ARHGAP42: variants seen among roughly 807,000 people sequenced by gnomAD.
ARHGAP42 encodes the protein Rho GTPase activating protein 42, also known as rho GTPase-activating protein 42.
In ARHGAP42, 63 loss-of-function variants were observed where a neutral mutation model predicts 125.0. The observed-to-expected ratio is 0.50, with a 90% CI of 0.41 to 0.62. The LOEUF is 0.62. Among genes scored for constraint, ARHGAP42 ranks in the 20% least tolerant of loss-of-function variants. The probability of loss-of-function intolerance (pLI) is 0.00; values close to 1 mark genes in which losing one functional copy is unlikely to be tolerated. For missense variants in ARHGAP42, 766 were observed against 1,024.2 expected (o/e 0.75, Z 3.44); for synonymous variants, 339 against 351.0 (o/e 0.97, Z 0.38).
At chr11:100,789,348 G>T (rs913267179) in intron 2 of ARHGAP42, among the ~76,000 whole-genome samples, 2 of 152,214 alleles carry the variant, frequency 1.3e-5, no homozygotes, top group Non-Finnish European at 2.9e-5. Context: ...TAGCATATCT[G>T]AGGGTGTTAT....
chr11:100,687,868 C>A, intron 1 of ARHGAP42, 36 bp downstream of exon 1: 1 of 1,509,112 alleles, frequency 6.6e-7, no homozygotes, highest in African/African-American at 1.4e-5. Context: ...ACACCCGCAT[C>A]TGGAGAGTCC....
At chr11:100,886,384 T>C (rs1866093771) in intron 4 of ARHGAP42, among the ~76,000 whole-genome samples, 1 of 152,192 alleles carries the variant, frequency 6.6e-6, no homozygotes, top group Admixed American at 6.5e-5. Flanking sequence ...TGGGAAACAA[T>C]ACATTTCTTT....
chr11:100,960,171 A>T (rs1301925603), intron 13 of ARHGAP42, among the ~76,000 whole-genome samples: 1 of 151,932 alleles, frequency 6.6e-6, no homozygotes, highest in Non-Finnish European at 1.5e-5. Context: ...TTTCTAATAC[A>T]GCCTCACTAT....
At chr11:100,812,222 A>G (rs1393338980) in intron 3 of ARHGAP42, among the ~76,000 whole-genome samples, 2 of 152,254 alleles carry the variant, frequency 1.3e-5, no homozygotes, top group Non-Finnish European at 2.9e-5. Flanking sequence ...TAGGATTTGG[A>G]AAACTTTATA....
chr11:100,969,053 A>G (rs1565299881), intron 17 of ARHGAP42, among the ~76,000 whole-genome samples: 1 of 152,158 alleles, frequency 6.6e-6, no homozygotes, highest in African/African-American at 2.4e-5. Flanking sequence ...TCTGCTAGCA[A>G]TAAGTTCTCT....
chr11:100,948,902 T>C (rs1464139834), intron 11 of ARHGAP42, among the ~76,000 whole-genome samples: 1 of 152,122 alleles, frequency 6.6e-6, no homozygotes, highest in Non-Finnish European at 1.5e-5. Flanking sequence ...ATGAACAAGG[T>C]TCAGGGTAAG....
chr11:100,859,508 G>A (rs780221159), intron 3 of ARHGAP42, 46 bp from the exon 4 acceptor site: 17 of 1,462,394 alleles, frequency 1.2e-5, no homozygotes, highest in Middle Eastern at 1.7e-4. Context: ...AATGTTGTTG[G>A]CATGAAATTA....
chr11:100,961,732 A>G lies in ARHGAP42; in HGVS notation c.1349A>G (p.Asn450Ser). 6.4e-7 allele frequency: 1 copy of G among 1,551,826 alleles called. No homozygotes were observed. The highest frequency in any genetic ancestry group is 8.7e-7 in the Non-Finnish European group (1 of 1,146,890). The change falls in exon 15 of 24, where the codon AAT (asparagine) becomes AGT (serine). Residue 450 changes from asparagine to serine, a missense_variant. Transcript: ENST00000298815. ...GATATTGATATTGAACTGTGGGACA[A>G]TAAGACGATAACAAGTGGGCTGAAA... The part of the protein sequence containing the change: ...DIDIDIELWD[N>S]KTITSGLKNY...
At chr11:100,864,989 T>A (rs1001805223) in intron 4 of ARHGAP42, among the ~76,000 whole-genome samples, 3 of 152,192 alleles carry the variant, frequency 2.0e-5, no homozygotes, top group African/African-American at 7.2e-5. Context: ...TGAGAAATGT[T>A]TTGTGAGACA....
intron 16 of ARHGAP42, among the ~76,000 whole-genome samples, chr11:100,963,186 C>T (rs1029495942): frequency 6.6e-5 from 10 of 152,218 alleles, no homozygotes; most frequent in Admixed American, 1.3e-4. Flanking sequence ...TTTTGGCAGA[C>T]AGCAGGTGCT....
At chr11:100,835,127 G>A (rs1864755675) in intron 3 of ARHGAP42, among the ~76,000 whole-genome samples, 1 of 151,864 alleles carries the variant, frequency 6.6e-6, no homozygotes, top group Admixed American at 6.6e-5. Flanking sequence ...CTGTTTTGCT[G>A]GAAAGCCCCA....
At chr11:100,975,733 T>C (rs1591334367) in intron 19 of ARHGAP42, among the ~76,000 whole-genome samples, 2 of 152,330 alleles carry the variant, frequency 1.3e-5, no homozygotes, top group South Asian at 4.1e-4. Context: ...GAATCCTGTT[T>C]CATAAACAAA....
intron 4 of ARHGAP42, among the ~76,000 whole-genome samples, chr11:100,899,032 G>A (rs1049914016): frequency 3.3e-5 from 5 of 152,192 alleles, no homozygotes; most frequent in African/African-American, 1.2e-4. Context: ...AAGGATTCTG[G>A]TACATTGTGT....
At chr11:100,880,505 G>T (rs1260570410) in intron 4 of ARHGAP42, among the ~76,000 whole-genome samples, 1 of 152,068 alleles carries the variant, frequency 6.6e-6, no homozygotes, top group African/African-American at 2.4e-5. Context: ...CTGATTGATG[G>T]GCATTTGGGT....
At chr11:100,982,553 T>C (rs1245905453) in intron 22 of ARHGAP42, among the ~76,000 whole-genome samples, 1 of 152,230 alleles carries the variant, frequency 6.6e-6, no homozygotes, top group Admixed American at 6.5e-5. Flanking sequence ...AAGCCAAATG[T>C]AGCTAGGCTG....
chr11:100,935,451 T>G (rs1025820332), intron 7 of ARHGAP42, among the ~76,000 whole-genome samples: 1 of 152,172 alleles, frequency 6.6e-6, no homozygotes, highest in Non-Finnish European at 1.5e-5. Context: ...AAACTTCTTT[T>G]CTTGACTTGT....
intron 4 of ARHGAP42, among the ~76,000 whole-genome samples, chr11:100,890,298 T>A (rs1218093454): frequency 6.6e-6 from 1 of 152,224 alleles, no homozygotes; most frequent in African/African-American, 2.4e-5. Context: ...CAGGCTGCAG[T>A]GATCTTTCAA....
At chr11:100,795,074 AT>A (rs765556243) in intron 2 of ARHGAP42, 30 bp from the exon 3 acceptor site, 5 of 1,494,996 alleles carry the variant, frequency 3.3e-6, no homozygotes, top group Non-Finnish European at 3.6e-6. Context: ...GAAAATATTA[AT>A]TCTTTGCATT....
intron 4 of ARHGAP42, among the ~76,000 whole-genome samples, chr11:100,878,064 CAT>C (rs1865866586): frequency 6.8e-6 from 1 of 146,524 alleles, no homozygotes; most frequent in South Asian, 2.2e-4. Flanking sequence ...TGAGATTTAA[CAT>C]ATGAATATGG....
Sources: allele counts gnomAD v4.1 joint callset (sites outside exome capture counted in the v4.1 genomes callset), GRCh38; gene constraint gnomAD v4.1.1; transcripts MANE v1.5; gene names NCBI Gene and HGNC (gene_info 2026-07-23, HGNC 2026-07-21).